KANK4: variants seen among roughly 807,000 people sequenced by gnomAD.
KANK4 encodes KN motif and ankyrin repeat domain-containing protein 4.
A neutral mutation model predicts 80.8 loss-of-function variants in KANK4; 50 were observed. The ratio of observed to expected loss-of-function variants is 0.62; its 90% CI spans 0.49 to 0.78. The LOEUF is 0.78. Ranked by LOEUF, KANK4 falls within the 30% of genes least tolerant of loss-of-function variation. The pLI is 0.00. For synonymous variants in KANK4, 465 were observed against 506.9 expected (o/e 0.92, Z 1.11); for missense variants, 1,196 against 1,240.1 (o/e 0.96, Z 0.53).
At chr1:62,272,481 A>C (rs1036983269) in intron 3 of KANK4, 3 of 152,418 alleles carry the variant, frequency 2.0e-5, no homozygotes, top group African/African-American at 7.2e-5. Context: ...AGAGGTCTGG[A>C]GTCCACGCAG....
At chr1:62,310,044 C>T (rs546242720) in intron 1 of KANK4, among the ~76,000 whole-genome samples, 8 of 152,316 alleles carry the variant, frequency 5.3e-5, no homozygotes, top group African/African-American at 1.7e-4. Flanking sequence ...AGGCCAGCCC[C>T]GAGGCAGGCA....
chr1:62,268,256 C>T, intron 5 of KANK4, 31 bp downstream of exon 5: 3 of 1,573,176 alleles, frequency 1.9e-6, no homozygotes, highest in Non-Finnish European at 2.6e-6. Context: ...TTCAGAGGAA[C>T]AAGTGCCCGC....
At chr1:62,255,846 C>CA (rs144582336) in intron 7 of KANK4, among the ~76,000 whole-genome samples, 5,549 of 152,172 alleles carry the variant, frequency 0.036, 347 homozygotes, top group African/African-American at 0.13. Context: ...AACAGGGTTT[C>CA]ACTATGTTGC....
chr1:62,278,544 C>T (rs1439392101), intron 2 of KANK4, among the ~76,000 whole-genome samples: 1 of 146,928 alleles, frequency 6.8e-6, no homozygotes, highest in Non-Finnish European at 1.5e-5. Context: ...AGGTGCGTGC[C>T]ACCATGCCTG....
intron 1 of KANK4, among the ~76,000 whole-genome samples, chr1:62,288,748 G>A (rs1044676771): frequency 8.5e-5 from 13 of 152,126 alleles, no homozygotes; most frequent in African/African-American, 3.1e-4. Flanking sequence ...AAAGGCATTA[G>A]ACTTGCAAGG....
intron 6 of KANK4, 38 bp from the exon 7 acceptor site, chr1:62,263,349 C>A (rs547717638): frequency 1.9e-6 from 3 of 1,538,726 alleles, no homozygotes; most frequent in Non-Finnish European, 2.7e-6. Flanking sequence ...AGAGGTTCCC[C>A]GGCCAGCAAG....
chr1:62,298,424 C>T (rs948319365), intron 1 of KANK4, among the ~76,000 whole-genome samples: 1 of 152,168 alleles, frequency 6.6e-6, no homozygotes, highest in Non-Finnish European at 1.5e-5. Flanking sequence ...CATGCAGATG[C>T]TGATTTGGTG....
intron 1 of KANK4, among the ~76,000 whole-genome samples, chr1:62,315,658 A>T (rs1644533134): frequency 6.6e-6 from 1 of 152,210 alleles, no homozygotes; most frequent in Non-Finnish European, 1.5e-5. Flanking sequence ...ACAACATCAG[A>T]GTTTTAAAAG....
intron 2 of KANK4, among the ~76,000 whole-genome samples, chr1:62,276,738 T>C (rs181235373): frequency 1.4e-5 from 2 of 138,216 alleles, no homozygotes; most frequent in Non-Finnish European, 3.1e-5. Context: ...GATTGCACCA[T>C]TGTACTCCAG....
Position 62,281,638 on chromosome 1 carries a change from A to G in KANK4, c.-70-4T>C. The G allele has an allele frequency of 6.4e-7, 1 of 1,554,348 alleles. No individual in the cohort carries two copies. The highest frequency in any genetic ancestry group is 8.9e-7 in the Non-Finnish European group (1 of 1,125,510). ...TCTGTAAAACTTGTTGAAGGTTCTGAAAGAAAGGAGGATACAGAAGTGGTG... is the reference window on the plus strand; with the variant it reads ...TCTGTAAAACTTGTTGAAGGTTCTGGAAGAAAGGAGGATACAGAAGTGGTG... On this transcript the variant is annotated splice_polypyrimidine_tract_variant and splice_region_variant and intron_variant, in intron 1 of 9. Transcript: ENST00000371153.
intron 1 of KANK4, among the ~76,000 whole-genome samples, chr1:62,293,899 T>C (rs993087003): frequency 6.6e-6 from 1 of 152,184 alleles, no homozygotes; most frequent in Non-Finnish European, 1.5e-5. Flanking sequence ...AGCAAGTGAC[T>C]ATGGGGAGAT....
At position 62,268,327 on chromosome 1, in the gene KANK4, T is replaced by G. The variant is rs1388855048; in HGVS notation, c.2191A>C (p.Ser731Arg). 2 of 1,613,806 alleles carry G rather than the reference T, an allele frequency of 1.2e-6. No individual in the cohort carries two copies. Among genetic ancestry groups the G allele is most frequent in the Non-Finnish European group, 8.5e-7 (1 of 1,179,916 alleles). The change falls in exon 5 of 10, where the codon AGT (serine) becomes CGT (arginine). Residue 731 changes from serine (S) to arginine (R), a missense_variant. Physicochemically the swap from Ser to Arg is moderately radical, Grantham distance 110. This residue lies in a region of KANK4 where 1,154 missense variants were observed against 1,179.6 expected (regional missense o/e 0.98). Transcript: ENST00000371153. ...TGGGGGACTTCTTCCCCAGGCCCAC[T>G]TTCCTGGGCAGCATGGCAGGTGCCC... is the stretch of plus-strand genomic sequence containing the variant. ...PEGTCHAAQESGPGEEVPHSK... is the reference protein window; with the variant it reads ...PEGTCHAAQERGPGEEVPHSK...
intron 1 of KANK4, among the ~76,000 whole-genome samples, chr1:62,317,883 G>A (rs901455610): frequency 1.3e-5 from 2 of 152,216 alleles, no homozygotes; most frequent in African/African-American, 2.4e-5. Flanking sequence ...GCCTGGCACA[G>A]AGCATTTGTT....
intron 9 of KANK4, among the ~76,000 whole-genome samples, chr1:62,238,830 A>G (rs1671272268): frequency 6.6e-6 from 1 of 152,078 alleles, no homozygotes; most frequent in Admixed American, 6.6e-5. Context: ...GGGTGTCACC[A>G]TGTTGCCCAG....
chr1:62,290,681 G>A (rs1373888407), intron 1 of KANK4, among the ~76,000 whole-genome samples: 1 of 152,024 alleles, frequency 6.6e-6, no homozygotes, highest in African/African-American at 2.4e-5. Flanking sequence ...CAATAAAAAC[G>A]TGTTGAATCA....
At chr1:62,303,882 CTTT>C (rs917603552) in intron 1 of KANK4, among the ~76,000 whole-genome samples, 1 of 149,586 alleles carries the variant, frequency 6.7e-6, no homozygotes, top group Admixed American at 6.6e-5. Context: ...TTCTTTTTTT[CTTT>C]TTTTTTGAGA....
chr1:62,248,870 G>T (rs1255649669), intron 8 of KANK4, among the ~76,000 whole-genome samples: 2 of 148,204 alleles, frequency 1.3e-5, no homozygotes, highest in African/African-American at 4.9e-5. Flanking sequence ...AAAAATTAAT[G>T]TAACAATTGG....
chr1:62,284,926 T>G (rs911720461), intron 1 of KANK4, among the ~76,000 whole-genome samples: 1 of 152,194 alleles, frequency 6.6e-6, no homozygotes, highest in African/African-American at 2.4e-5. Flanking sequence ...ACTCAGTCCA[T>G]GGTTCTTAGA....
chr1:62,280,544 G>T (rs373056418), intron 2 of KANK4, among the ~76,000 whole-genome samples: 1 of 152,304 alleles, frequency 6.6e-6, no homozygotes, highest in South Asian at 2.1e-4. Context: ...TCCCGTGCCC[G>T]TGAAGGGCCA....
Sources: gnomAD v4.1 joint callset for allele counts (sites outside exome capture counted in the v4.1 genomes callset) on GRCh38, gnomAD v4.1.1 for gene constraint, gnomAD v4.1.1 regional missense constraint, MANE v1.5 for transcripts, NCBI Gene and HGNC (gene_info 2026-07-23, HGNC 2026-07-21) for gene names.